SLC35G2: variants seen among roughly 807,000 people sequenced by gnomAD.
The protein encoded by SLC35G2 is solute carrier family 35 member G2.
Under a neutral mutation model 27.2 loss-of-function variants are expected in SLC35G2, and 20 were observed. That is an observed-to-expected ratio of 0.74 (90% CI 0.52 to 1.07). The LOEUF is 1.07. Ranked by LOEUF, SLC35G2 falls within the 50% of genes least tolerant of loss-of-function variation. The probability of loss-of-function intolerance (pLI) is 0.00; values close to 1 mark genes in which losing one functional copy is unlikely to be tolerated. For missense variants in SLC35G2, 416 were observed against 493.3 expected, an observed-to-expected ratio of 0.84 and a Z score of 1.48; for synonymous variants, 148 against 165.3, an observed-to-expected ratio of 0.90 and a Z score of 0.80.
chr3:136,822,673 A>G lies in SLC35G2; in HGVS notation c.-19+3045A>G, dbSNP rs112362041. Among the ~76,000 whole-genome samples, 5 of 152,334 alleles carry G rather than the reference A, an allele frequency of 3.3e-5. 1 individual carries two copies. The highest frequency in any genetic ancestry group is 1.2e-4 in the African/African-American group (5 of 41,572). On this transcript the variant is annotated intron_variant, in intron 1 of 1. Transcript: ENST00000446465. The stretch of plus-strand genomic sequence containing the variant: ...TTTTTAGATCCCACAGATAAGTGAA[A>G]ACACGTGAAGTTTGTCTTTCTGTGC...
chr3:136,820,517 A>G (rs1263654529), intron 1 of SLC35G2: 2 of 152,254 alleles, frequency 1.3e-5, no homozygotes, highest in Admixed American at 6.5e-5. Flanking sequence ...TTGGAGGTAC[A>G]GATAAGCATA....
intron 1 of SLC35G2, among the ~76,000 whole-genome samples, chr3:136,824,410 A>T (rs1396956622): frequency 1.3e-5 from 2 of 152,070 alleles, no homozygotes; most frequent in East Asian, 3.8e-4. Flanking sequence ...CAAATGTTTT[A>T]TAGTTTTCTT....
intron 1 of SLC35G2, among the ~76,000 whole-genome samples, chr3:136,832,433 T>G (rs1234492000): frequency 3.3e-5 from 5 of 152,260 alleles, no homozygotes; most frequent in African/African-American, 1.2e-4. Context: ...TCATTACTTT[T>G]GCTTTGTTCA....
chr3:136,843,625 G>A (rs981599353), intron 1 of SLC35G2, among the ~76,000 whole-genome samples: 3 of 151,492 alleles, frequency 2.0e-5, no homozygotes, highest in African/African-American at 4.9e-5. Flanking sequence ...CAGCCTGGGC[G>A]ACAGAGTGAG....
At chr3:136,839,734 G>C (rs2108011282) in intron 1 of SLC35G2, among the ~76,000 whole-genome samples, 1 of 152,176 alleles carries the variant, frequency 6.6e-6, no homozygotes, top group Middle Eastern at 3.4e-3. Flanking sequence ...TTGACTTCTA[G>C]AAGCTACTGC....
At chr3:136,838,718 G>A (rs1309453853) in intron 1 of SLC35G2, 1 of 152,206 alleles carries the variant, frequency 6.6e-6, no homozygotes, top group African/African-American at 2.4e-5. Flanking sequence ...AGCATGTGGT[G>A]CATGTAGTGT....
intron 1 of SLC35G2, among the ~76,000 whole-genome samples, chr3:136,851,930 A>ACAT (rs1446480698): frequency 4.6e-5 from 7 of 152,354 alleles, no homozygotes; most frequent in African/African-American, 1.7e-4. Context: ...TATAAAAGTT[A>ACAT]CATAGAATTG....
chr3:136,848,296 TTTGA>T (rs1346820435), intron 1 of SLC35G2, among the ~76,000 whole-genome samples: 2 of 152,164 alleles, frequency 1.3e-5, no homozygotes, highest in Admixed American at 1.3e-4. Flanking sequence ...TAGATTAGTG[TTTGA>T]TTAAGTAAAT....
Position 136,854,665 on chromosome 3 carries a change from T to C in SLC35G2, c.205T>C (p.Phe69Leu), listed in dbSNP as rs1176722595. Residue 69 changes from phenylalanine to leucine, a missense_variant, in exon 2 of 2, where the codon TTT becomes CTT. Physicochemically the swap from Phe to Leu is conservative, Grantham distance 22 (BLOSUM62 0). Transcript: ENST00000446465. Reference sequence around the variant, plus strand: ...AATGAAAAAAAAAGGGAGAGCTTTCTTTGGAACCATGGATACCCTACCTCC... The same window carrying C: ...AATGAAAAAAAAAGGGAGAGCTTTCCTTGGAACCATGGATACCCTACCTCC... ...SEMKKKGRAF[F>L]GTMDTLPPPT... The C allele has an allele frequency of 6.2e-7, 1 of 1,614,100 alleles. No individual in the cohort carries two copies. The highest frequency in any genetic ancestry group is 8.5e-7 in the Non-Finnish European group (1 of 1,180,014).
chr3:136,838,514 A>G (rs1176337447), intron 1 of SLC35G2: 6 of 152,118 alleles, frequency 3.9e-5, no homozygotes, highest in Non-Finnish European at 7.3e-5. Flanking sequence ...CTGAGTTGTA[A>G]TTTTAGTGAG....
intron 1 of SLC35G2, among the ~76,000 whole-genome samples, chr3:136,833,757 C>G (rs1410005713): frequency 6.6e-6 from 1 of 152,134 alleles, no homozygotes; most frequent in African/African-American, 2.4e-5. Flanking sequence ...GGCCTAGTTC[C>G]TAACAGGCCA....
chr3:136,853,880 G>A (rs147062506), intron 1 of SLC35G2, among the ~76,000 whole-genome samples: 119 of 152,264 alleles, frequency 7.8e-4, no homozygotes, highest in African/African-American at 2.5e-3. Context: ...CAATGCATGA[G>A]TGTTACTAAA....
chr3:136,823,198 T>C (rs930080600), intron 1 of SLC35G2, among the ~76,000 whole-genome samples: 3 of 152,230 alleles, frequency 2.0e-5, no homozygotes, highest in South Asian at 2.1e-4. Context: ...TGTTTGCTAT[T>C]TGTATGTCTT....
chr3:136,844,067 C>G (rs1252414373), intron 1 of SLC35G2, among the ~76,000 whole-genome samples: 1 of 152,148 alleles, frequency 6.6e-6, no homozygotes, highest in Non-Finnish European at 1.5e-5. Flanking sequence ...TATAAGAAAA[C>G]AAATTTGCTG....
chr3:136,833,934 G>T (rs895882985), intron 1 of SLC35G2, among the ~76,000 whole-genome samples: 3 of 151,644 alleles, frequency 2.0e-5, no homozygotes, highest in African/African-American at 7.3e-5. Context: ...TTTAATAAAG[G>T]TTAATCATAT....
chr3:136,854,815 G>C lies in SLC35G2; in HGVS notation c.355G>C (p.Ala119Pro), dbSNP rs377008678. 3.0e-5 allele frequency: 48 copies of C among 1,614,044 alleles called. No homozygotes were observed. Among genetic ancestry groups the C allele is most frequent in the Non-Finnish European group, 3.9e-5 (46 of 1,180,034 alleles). Reference protein sequence around the residue: ...FGSALAHGCVALITRLVSDRS... With the variant: ...FGSALAHGCVPLITRLVSDRS... ...ATCTGCTTTGGCTCATGGATGTGTA[G>C]CTCTTATCACTAGGCTTGTTTCTGA... The change falls in exon 2 of 2, where the codon GCT becomes CCT. Residue 119 changes from alanine to proline, a missense_variant. Physicochemically the swap from Ala to Pro is conservative, Grantham distance 27. Coordinates refer to ENST00000446465, the MANE Select transcript of SLC35G2 (RefSeq NM_025246.3).
chr3:136,848,906 C>T (rs1937512137), intron 1 of SLC35G2, among the ~76,000 whole-genome samples: 1 of 151,994 alleles, frequency 6.6e-6, no homozygotes, highest in Admixed American at 6.6e-5. Context: ...ATGTAACGAA[C>T]CGGGCACGGT....
At chr3:136,828,459 G>C (rs917363866) in intron 1 of SLC35G2, among the ~76,000 whole-genome samples, 1 of 152,182 alleles carries the variant, frequency 6.6e-6, no homozygotes, top group Non-Finnish European at 1.5e-5. Flanking sequence ...GCCTCTTGAA[G>C]AATTGACCCT....
chr3:136,824,683 A>G (rs1031808789), intron 1 of SLC35G2, among the ~76,000 whole-genome samples: 7 of 152,202 alleles, frequency 4.6e-5, no homozygotes, highest in African/African-American at 1.7e-4. Flanking sequence ...ATATAAGATC[A>G]TATCATTTGC....
Sources: gnomAD v4.1 joint callset for allele counts (sites outside exome capture counted in the v4.1 genomes callset) on GRCh38, gnomAD v4.1.1 for gene constraint, MANE v1.5 for transcripts, NCBI Gene and HGNC (gene_info 2026-07-23, HGNC 2026-07-21) for gene names.